COBL: variants seen among roughly 807,000 people sequenced by gnomAD.
COBL encodes the protein cordon-bleu WH2 repeat protein, also known as protein cordon-bleu.
COBL carries 51 observed loss-of-function variants against 98.8 expected under a neutral mutation model. The observed-to-expected ratio is 0.52, with a 90% CI of 0.41 to 0.65. The LOEUF is 0.65. Among genes scored for constraint, COBL ranks in the 30% least tolerant of loss-of-function variants. COBL has a pLI of 0.00. For missense variants in COBL, 1,617 were observed against 1,617.5 expected, an observed-to-expected ratio of 1.00 and a Z score of 0.01; for synonymous variants, 634 against 651.7, an observed-to-expected ratio of 0.97 and a Z score of 0.41.
chr7:51,284,162 A>C (rs1800081136), intron 1 of COBL, among the ~76,000 whole-genome samples: 1 of 146,302 alleles, frequency 6.8e-6, no homozygotes, highest in South Asian at 2.2e-4. Context: ...AGCACTAGGC[A>C]TGGTGGCGGG....
intron 4 of COBL, among the ~76,000 whole-genome samples, chr7:51,189,922 A>G (rs892640525): frequency 2.6e-5 from 4 of 152,214 alleles, no homozygotes; most frequent in East Asian, 1.9e-4. Flanking sequence ...CTTACACAAC[A>G]TAACAGTCTC....
At chr7:51,181,563 A>C (rs995306484) in intron 5 of COBL, among the ~76,000 whole-genome samples, 1 of 152,214 alleles carries the variant, frequency 6.6e-6, no homozygotes, top group Non-Finnish European at 1.5e-5. Context: ...GCCCTAAAAA[A>C]CCTTCTTGTA....
chr7:51,300,209 G>A (rs578208913), intron 1 of COBL, among the ~76,000 whole-genome samples: 1 of 152,272 alleles, frequency 6.6e-6, no homozygotes, highest in South Asian at 2.1e-4. Flanking sequence ...CACCCAAGCT[G>A]GAGTGCAGTG....
intron 6 of COBL, among the ~76,000 whole-genome samples, chr7:51,088,672 A>C (rs1335709365): frequency 6.6e-6 from 1 of 152,054 alleles, no homozygotes; most frequent in Non-Finnish European, 1.5e-5. Flanking sequence ...CTGATTGTTT[A>C]TAATATGTAT....
At position 51,142,306 on chromosome 7, in the gene COBL, C is replaced by T. The variant is rs759484378; in HGVS notation, c.784-5975G>A. On this transcript the variant is annotated intron_variant, in intron 5 of 12. Coordinates refer to ENST00000265136, the MANE Select transcript of COBL (RefSeq NM_015198.5). Reference sequence around the variant, plus strand: ...TCAGCCAACAAAATACCGTGTCACACAAGCTCTCTGATGGTTTCTCGCCTG... The same window carrying T: ...TCAGCCAACAAAATACCGTGTCACATAAGCTCTCTGATGGTTTCTCGCCTG... 3.3e-5 allele frequency among the ~76,000 whole-genome samples: 5 copies of T among 151,578 alleles called. No individual in the cohort carries two copies. In the East Asian group the frequency reaches 7.8e-4, roughly 24 times the overall value.
At chr7:51,234,797 G>C (rs1017032260) in intron 1 of COBL, among the ~76,000 whole-genome samples, 9 of 152,116 alleles carry the variant, frequency 5.9e-5, no homozygotes, top group African/African-American at 2.2e-4. Flanking sequence ...CAGCAGGCTG[G>C]ACTAGACCAG....
intron 8 of COBL, among the ~76,000 whole-genome samples, chr7:51,036,808 A>C (rs919173804): frequency 2.0e-5 from 3 of 152,164 alleles, no homozygotes; most frequent in Non-Finnish European, 4.4e-5. Context: ...CTTACTGTTA[A>C]AAAAGAAAAA....
chr7:51,067,175 T>A (rs2128918633), intron 7 of COBL, among the ~76,000 whole-genome samples: 1 of 152,326 alleles, frequency 6.6e-6, no homozygotes, highest in Middle Eastern at 3.4e-3. Flanking sequence ...CCACATACTG[T>A]CCTTGGCCTC....
chr7:51,218,976 CTAAAAG>C (rs1391384055), intron 2 of COBL, among the ~76,000 whole-genome samples: 1 of 152,066 alleles, frequency 6.6e-6, no homozygotes, highest in East Asian at 1.9e-4. Context: ...TGGGTTATCA[CTAAAAG>C]TATCAGTAAG....
chr7:51,243,907 A>C (rs1796054897), intron 1 of COBL, among the ~76,000 whole-genome samples: 1 of 152,164 alleles, frequency 6.6e-6, no homozygotes, highest in Non-Finnish European at 1.5e-5. Context: ...GTCCTATACT[A>C]CAGATGACAC....
At chr7:51,091,305 T>A (rs1212840258) in intron 6 of COBL, among the ~76,000 whole-genome samples, 1 of 152,078 alleles carries the variant, frequency 6.6e-6, no homozygotes, top group East Asian at 1.9e-4. Flanking sequence ...AAACTATGCA[T>A]GAATAGAATC....
intron 7 of COBL, chr7:51,083,143 GTAGGGC>G: frequency 6.6e-7 from 1 of 1,508,362 alleles, no homozygotes; most frequent in Non-Finnish European, 8.9e-7. Context: ...CGGGAGGAGG[GTAGGGC>G]GGGGGTGGGG....
rs140601902 is a variant in COBL, at chr7:51,307,495, T to C, written c.41+9098A>G. ...TCTCCTATCTCTGTCAGCTAGACAATGGCAACAGGCAAGTGGCTCTAATGC... is the reference window on the plus strand; with the variant it reads ...TCTCCTATCTCTGTCAGCTAGACAACGGCAACAGGCAAGTGGCTCTAATGC... On this transcript the variant is annotated intron_variant, in intron 1 of 12. Transcript: ENST00000265136. Among the ~76,000 whole-genome samples the C allele has an allele frequency of 6.2e-3, 940 of 152,302 alleles. 13 individuals carry two copies. The highest frequency in any genetic ancestry group is 0.021 in the African/African-American group (887 of 41,564).
At chr7:51,126,728 C>A (rs1798243281) in intron 6 of COBL, among the ~76,000 whole-genome samples, 1 of 152,136 alleles carries the variant, frequency 6.6e-6, no homozygotes, top group Non-Finnish European at 1.5e-5. Context: ...CAAATGTCAT[C>A]TCCCAGAGGA....
intron 7 of COBL, among the ~76,000 whole-genome samples, chr7:51,043,923 GATTA>G (rs1253901309): frequency 2.0e-5 from 3 of 152,194 alleles, no homozygotes; most frequent in African/African-American, 7.2e-5. Flanking sequence ...ATCAGTATTT[GATTA>G]ATTAGCCTTT....
chr7:51,227,050 C>T lies in COBL; in HGVS notation c.42-7106G>A, dbSNP rs568751580. ...TTAATTACTTCTTGAAAACAAGCAC[C>T]GGGGTTCCTGGCAGACTGATGCTAG... On this transcript the variant is annotated intron_variant, in intron 1 of 12. Transcript: ENST00000265136. Among the ~76,000 whole-genome samples the T allele has an allele frequency of 4.6e-5, 7 of 152,218 alleles. No individual in the cohort carries two copies. The South Asian group carries it at 1.0e-3, about 23-fold the overall frequency.
At chr7:51,266,461 C>T (rs1488595165) in intron 1 of COBL, among the ~76,000 whole-genome samples, 1 of 152,080 alleles carries the variant, frequency 6.6e-6, no homozygotes, top group Non-Finnish European at 1.5e-5. Context: ...TCCTGTAATC[C>T]CAGCTATTCA....
At chr7:51,272,964 C>CA (rs750839807) in intron 1 of COBL, among the ~76,000 whole-genome samples, 3 of 150,124 alleles carry the variant, frequency 2.0e-5, no homozygotes, top group Non-Finnish European at 3.0e-5. Flanking sequence ...ACAACAACAA[C>CA]AACAACAACA....
chr7:51,293,027 C>A (rs927225767), intron 1 of COBL, among the ~76,000 whole-genome samples: 8 of 152,354 alleles, frequency 5.3e-5, no homozygotes, highest in African/African-American at 1.9e-4. Flanking sequence ...CAATAAACTT[C>A]ACACACACTA....
Sources: allele counts gnomAD v4.1 joint callset (sites outside exome capture counted in the v4.1 genomes callset), GRCh38; gene constraint gnomAD v4.1.1; transcripts MANE v1.5; gene names NCBI Gene and HGNC (gene_info 2026-07-23, HGNC 2026-07-21).